C13orf42: variants seen among roughly 807,000 people sequenced by gnomAD.
C13orf42 encodes uncharacterized protein C13orf42.
At chr13:51,163,125 C>T (rs1473903548) in intron 1 of C13orf42, among the ~76,000 whole-genome samples, 1 of 152,140 alleles carries the variant, frequency 6.6e-6, no homozygotes, top group Non-Finnish European at 1.5e-5. Context: ...TTGAGGAAAC[C>T]TCAGCTGGCT....
intron 1 of C13orf42, among the ~76,000 whole-genome samples, chr13:51,107,093 T>C (rs1023948583): frequency 7.2e-5 from 11 of 152,186 alleles, no homozygotes; most frequent in South Asian, 2.1e-4. Flanking sequence ...TCGCTTCTAG[T>C]GTGTCCTGAC....
chr13:51,127,893 C>T (rs115446114), intron 1 of C13orf42, among the ~76,000 whole-genome samples: 2,476 of 152,154 alleles, frequency 0.016, 52 homozygotes, highest in African/African-American at 0.056. Context: ...GGCTGCATTC[C>T]CAGAGAGTTA....
chr13:51,151,723 A>C (rs1448561960), intron 1 of C13orf42, among the ~76,000 whole-genome samples: 1 of 152,222 alleles, frequency 6.6e-6, no homozygotes, highest in Non-Finnish European at 1.5e-5. Flanking sequence ...CCAAGCCCTG[A>C]GGGAGCACTG....
upstream of C13orf42, among the ~76,000 whole-genome samples, chr13:51,112,583 G>A (rs889386356): frequency 1.3e-5 from 2 of 152,200 alleles, no homozygotes; most frequent in Admixed American, 6.5e-5. Flanking sequence ...CCCCTCACAT[G>A]TGGAGCATTT....
chr13:51,141,095 G>GGTGTGTGTGTGTGTGT (rs3043870), intron 1 of C13orf42, among the ~76,000 whole-genome samples: 1,526 of 128,466 alleles, frequency 0.012, 23 homozygotes, highest in Non-Finnish European at 0.013. Flanking sequence ...ATCGAAGGGA[G>GGTGTGTGTGTGTGTGT]GTGTGTGTGT....
intron 1 of C13orf42, among the ~76,000 whole-genome samples, chr13:51,092,061 T>A (rs1953185988): frequency 6.6e-6 from 1 of 152,164 alleles, no homozygotes; most frequent in African/African-American, 2.4e-5. Flanking sequence ...CACTTTCCCA[T>A]TCTGATCTCT....
At chr13:51,088,803 G>C (rs1953155183) in intron 1 of C13orf42, among the ~76,000 whole-genome samples, 1 of 152,188 alleles carries the variant, frequency 6.6e-6, no homozygotes, top group African/African-American at 2.4e-5. Flanking sequence ...AAAAGTACAA[G>C]GAATAATAAA....
chr13:51,125,255 C>G lies in C13orf42; in HGVS notation n.137-12033G>C, dbSNP rs549618541. On this transcript the variant is annotated intron_variant and non_coding_transcript_variant, in intron 1 of 4. Transcript: ENST00000433280. Reference sequence around the variant, plus strand: ...AGGAAGATTGGCAAACGTGTCTATCCTGACCTATAATTGCATTATCTTCCC... The same window carrying G: ...AGGAAGATTGGCAAACGTGTCTATCGTGACCTATAATTGCATTATCTTCCC... 6.6e-5 allele frequency among the ~76,000 whole-genome samples: 10 copies of G among 152,344 alleles called. No individual in the cohort carries two copies. In the South Asian group the frequency reaches 1.2e-3, roughly 19 times the overall value.
intron 1 of C13orf42, among the ~76,000 whole-genome samples, chr13:51,116,358 T>C (rs932799048): frequency 6.6e-6 from 1 of 152,188 alleles, no homozygotes; most frequent in African/African-American, 2.4e-5. Flanking sequence ...AACAGGCAGT[T>C]AAAGGAGGGT....
At chr13:51,150,913 C>A (rs556125789) in intron 1 of C13orf42, among the ~76,000 whole-genome samples, 29 of 152,284 alleles carry the variant, frequency 1.9e-4, no homozygotes, top group African/African-American at 6.7e-4. Flanking sequence ...ATAATCCCAG[C>A]TAAATGAAAA....
chr13:51,163,648 A>T (rs1402117400), intron 1 of C13orf42, among the ~76,000 whole-genome samples: 1 of 152,144 alleles, frequency 6.6e-6, no homozygotes, highest in Non-Finnish European at 1.5e-5. Flanking sequence ...CCTGCATTCC[A>T]AGGAATGGGC....
intron 1 of C13orf42, among the ~76,000 whole-genome samples, chr13:51,166,449 G>C (rs1162199613): frequency 1.8e-5 from 2 of 109,606 alleles, no homozygotes; most frequent in Non-Finnish European, 3.8e-5. Flanking sequence ...GTGGTGGGGT[G>C]GGGGGAGGGG....
At chr13:51,124,290 G>A (rs1953559350) in intron 1 of C13orf42, among the ~76,000 whole-genome samples, 1 of 152,070 alleles carries the variant, frequency 6.6e-6, no homozygotes, top group African/African-American at 2.4e-5. Context: ...CAAGTTTCCG[G>A]GGAGACTGAT....
At chr13:51,132,745 G>T (rs557335375) in intron 1 of C13orf42, among the ~76,000 whole-genome samples, 41 of 152,234 alleles carry the variant, frequency 2.7e-4, no homozygotes, top group African/African-American at 8.9e-4. Context: ...CTTGAATAGG[G>T]GCTGGGTAAA....
chr13:51,170,722 G>C (rs911769527), intron 1 of C13orf42, among the ~76,000 whole-genome samples: 4 of 152,090 alleles, frequency 2.6e-5, no homozygotes, highest in African/African-American at 9.7e-5. Flanking sequence ...ACGTTTCAAG[G>C]GTGTCAGACC....
intron 1 of C13orf42, among the ~76,000 whole-genome samples, chr13:51,141,294 CA>C: frequency 6.7e-6 from 1 of 148,978 alleles, no homozygotes; most frequent in Non-Finnish European, 1.5e-5. Flanking sequence ...TTGACTAAAA[CA>C]GTTCTGCAAC....
intron 1 of C13orf42, among the ~76,000 whole-genome samples, chr13:51,090,584 T>C (rs1402722444): frequency 2.0e-5 from 3 of 152,176 alleles, no homozygotes; most frequent in Non-Finnish European, 2.9e-5. Context: ...AATGCAAAGG[T>C]CTCAATCTTG....
At chr13:51,086,606 T>C (rs1425741012) in intron 2 of C13orf42, among the ~76,000 whole-genome samples, 1 of 152,186 alleles carries the variant, frequency 6.6e-6, no homozygotes, top group African/African-American at 2.4e-5. Flanking sequence ...TTGCAGGTCA[T>C]ATTTTTTACT....
intron 1 of C13orf42, among the ~76,000 whole-genome samples, chr13:51,150,574 A>C (rs1953771062): frequency 6.6e-6 from 1 of 152,200 alleles, no homozygotes; most frequent in African/African-American, 2.4e-5. Context: ...GCAGTTCTAC[A>C]AACATTTTTC....
Sources: allele counts gnomAD v4.1 joint callset (sites outside exome capture counted in the v4.1 genomes callset), GRCh38; gene constraint gnomAD v4.1.1; transcripts MANE v1.5; gene names NCBI Gene and HGNC (gene_info 2026-07-23, HGNC 2026-07-21).